The following ARID4A variants were observed in gnomAD, a reference collection of about 807,000 sequenced individuals.
The protein encoded by ARID4A is AT-rich interaction domain 4A.
Under a neutral mutation model 148.6 loss-of-function variants are expected in ARID4A, and 39 were observed. The observed-to-expected ratio is 0.26, with a 90% CI of 0.20 to 0.34. ARID4A has a LOEUF of 0.34. Among genes scored for constraint, ARID4A ranks in the 10% least tolerant of loss-of-function variants. The pLI, the probability that ARID4A is intolerant of heterozygous loss-of-function variation, is 1.00. For missense variants in ARID4A, 1,265 were observed against 1,449.1 expected (o/e 0.87, Z 2.06); for synonymous variants, 475 against 481.2 (o/e 0.99, Z 0.17).
In ARID4A at chr14:58,299,849, AC is replaced by A; in HGVS notation, c.-5del. 6.2e-7 allele frequency: 1 copy of A among 1,614,138 alleles called. No individual in the cohort carries two copies. On this transcript the variant is annotated 5_prime_UTR_variant, in exon 2 of 24. Coordinates refer to ENST00000355431, the MANE Select transcript of ARID4A (RefSeq NM_002892.4). The stretch of plus-strand genomic sequence containing the variant: ...TGAGCTGGAACCCCACAGATCACCA[AC>A]AAAAATGAAGGTAAGTGGAGTCAAC...
At chr14:58,323,371 T>G (rs1420767529) in intron 7 of ARID4A, 114 bp from the exon 8 acceptor site, 1 of 1,189,028 alleles carries the variant, frequency 8.4e-7, no homozygotes, top group Non-Finnish European at 1.2e-6. Context: ...ATGGAGAGGC[T>G]ACTACTTTAG....
At chr14:58,344,870 TTTTA>T (rs768972945) in intron 12 of ARID4A, 103 bp downstream of exon 12, 686 of 830,198 alleles carry the variant, frequency 8.3e-4, no homozygotes, top group Non-Finnish European at 1.0e-3. Flanking sequence ...CAGTTTTGGA[TTTTA>T]TTTATTTATT....
chr14:58,312,853 G>C (rs1471988189), intron 5 of ARID4A, among the ~76,000 whole-genome samples: 1 of 152,170 alleles, frequency 6.6e-6, no homozygotes, highest in Non-Finnish European at 1.5e-5. Context: ...GTGAGGATTA[G>C]GACATGGTAG....
intron 5 of ARID4A, among the ~76,000 whole-genome samples, chr14:58,312,964 A>AC (rs1293896210): frequency 6.6e-6 from 1 of 152,184 alleles, no homozygotes; most frequent in Non-Finnish European, 1.5e-5. Flanking sequence ...ATAACAGGGA[A>AC]ATGGGTCTTT....
chr14:58,322,963 C>CAAAAAAAAAAAAAAA (rs386381476), intron 7 of ARID4A, among the ~76,000 whole-genome samples: 1 of 42,246 alleles, frequency 2.4e-5, no homozygotes, highest in African/African-American at 1.1e-4. Context: ...ACTCCATTTC[C>CAAAAAAAAAAAAAAA]AAAAAAAAAA....
rs766384984 is a variant in ARID4A at position 58,351,241 on chromosome 14, C to T, written c.1573C>T (p.Pro525Ser). The T allele has an allele frequency of 9.9e-6, 16 of 1,611,544 alleles. No homozygotes were observed. In the South Asian group the frequency reaches 1.4e-4, roughly 14 times the overall value. The change falls in exon 16 of 24, where the codon CCA becomes TCA. Residue 525 changes from proline to serine, a missense_variant. By Grantham distance (74) the Pro-to-Ser change is moderately conservative (BLOSUM62 -1). Transcript: ENST00000355431. ...GCTACTACTGGGGAGAAAAAATACA[C>T]CAAAGCAAAAAGAGAAGAAAATTAA... is the stretch of plus-strand genomic sequence containing the variant. Reference protein sequence around the residue: ...NELLLGRKNTPKQKEKKIKKQ... With the variant: ...NELLLGRKNTSKQKEKKIKKQ...
intron 2 of ARID4A, 107 bp downstream of exon 2, chr14:58,299,967 A>C: frequency 6.7e-7 from 1 of 1,489,996 alleles, no homozygotes; most frequent in Non-Finnish European, 9.4e-7. Flanking sequence ...TGATGTTCCT[A>C]CTGATCAGCA....
Position 58,347,130 on chromosome 14 carries a change from G to T in ARID4A, c.1172+13G>T. On this transcript the variant is annotated intron_variant, in intron 14 of 23. Transcript: ENST00000355431. ...CTGCTTATAGAAAGTAAGTAGTATA[G>T]TTTATTCATCAAAGAATATATATTT... 1 of 1,331,820 alleles carries T rather than the reference G, an allele frequency of 7.5e-7. No individual in the cohort carries two copies. The highest frequency in any genetic ancestry group is 1.0e-6 in the Non-Finnish European group (1 of 962,350). 82.5% of individuals were successfully genotyped at this position (1,331,820 alleles called of 1,614,324 possible).
At chr14:58,312,895 T>C (rs542843186) in intron 5 of ARID4A, among the ~76,000 whole-genome samples, 38 of 152,364 alleles carry the variant, frequency 2.5e-4, no homozygotes, top group Non-Finnish European at 4.3e-4. Context: ...ATTATATTTA[T>C]AGACAGATAA....
At chr14:58,360,066 A>C (rs1306286138) in intron 18 of ARID4A, among the ~76,000 whole-genome samples, 2 of 65,870 alleles carry the variant, frequency 3.0e-5, no homozygotes, top group Non-Finnish European at 7.3e-5. Context: ...ACTCCGTCTC[A>C]AAAAAAAAAA....
intron 11 of ARID4A, among the ~76,000 whole-genome samples, chr14:58,341,051 CT>C (rs1214251719): frequency 2.0e-5 from 3 of 152,134 alleles, no homozygotes; most frequent in Non-Finnish European, 2.9e-5. Flanking sequence ...CTCCCCATCC[CT>C]CCATCAGTCT....
At chr14:58,354,464 C>G (rs1039021405) in intron 17 of ARID4A, among the ~76,000 whole-genome samples, 4 of 152,054 alleles carry the variant, frequency 2.6e-5, no homozygotes, top group Admixed American at 6.6e-5. Context: ...GGAAGGACTG[C>G]TTGAGGCCAG....
chr14:58,364,241 A>C lies in ARID4A; in HGVS notation c.2152A>C (p.Lys718Gln). The C allele has an allele frequency of 6.5e-7, 1 of 1,527,052 alleles. No homozygotes were observed. Among genetic ancestry groups the C allele is most frequent in the Non-Finnish European group, 8.7e-7 (1 of 1,143,746 alleles). 94.6% of individuals were successfully genotyped at this position (1,527,052 alleles called of 1,614,324 possible). ...KNLINEELSL[K>Q]DELEKNENLN... ...TTTAATAAATGAAGAACTTTCTCTT[A>C]AAGATGAACTAGAAAAAAATGAAAA... The change falls in exon 20 of 24, where the codon AAA becomes CAA. Residue 718 changes from lysine (K) to glutamine (Q), a missense_variant. Lys to Gln is a moderately conservative substitution (Grantham distance 53). Coordinates refer to ENST00000355431, the MANE Select transcript of ARID4A (RefSeq NM_002892.4).
rs1441773687 is a variant in ARID4A, at chr14:58,351,222, A to T, written c.1554A>T (p.Leu518=). The T allele has an allele frequency of 3.1e-6, 5 of 1,613,146 alleles. No homozygotes were observed. Among genetic ancestry groups the T allele is most frequent in the Admixed American group, 1.7e-5 (1 of 59,848 alleles). The change falls in exon 16 of 24, where the codon CTA becomes CTT. Residue 518 remains leucine, a synonymous_variant. Coordinates refer to ENST00000355431, the MANE Select transcript of ARID4A (RefSeq NM_002892.4). ...CAGAGAAAAAAGAAAATGAGCTACT[A>T]CTGGGGAGAAAAAATACACCAAAGC... ...ETAEKKENEL[L]LGRKNTPKQK... is the part of the protein sequence containing the mutation.
chr14:58,299,591 C>T, intron 1 of ARID4A: 1 of 564,634 alleles, frequency 1.8e-6, no homozygotes, highest in South Asian at 2.1e-5. Context: ...CTGGCGAGCT[C>T]CGGGGCGGAA....
intron 3 of ARID4A, chr14:58,303,760 G>T: frequency 4.0e-6 from 1 of 249,266 alleles, no homozygotes. Flanking sequence ...GAAACTCTGG[G>T]GGTAAGATCC....
rs1385034583 is a variant in ARID4A at position 58,373,848 on chromosome 14, C to G, written c.*1859C>G. 6.5e-6 allele frequency: 1 copy of G among 153,122 alleles called. No individual in the cohort carries two copies. The highest frequency in any genetic ancestry group is 1.5e-5 in the Non-Finnish European group (1 of 68,880). The allele number at this position is 153,122 out of a possible 1,614,324, so 9.5% of individuals were successfully genotyped here. On this transcript the variant is annotated 3_prime_UTR_variant, in exon 24 of 24. Coordinates refer to ENST00000355431, the MANE Select transcript of ARID4A (RefSeq NM_002892.4). ...AGCATTTTAGTATATTCAGCCTTTACAATAAAATATTTCTACTAATTATAA... is the reference window on the plus strand; with the variant it reads ...AGCATTTTAGTATATTCAGCCTTTAGAATAAAATATTTCTACTAATTATAA...
At chr14:58,349,804 A>T (rs1371352982) in intron 15 of ARID4A, among the ~76,000 whole-genome samples, 1 of 151,880 alleles carries the variant, frequency 6.6e-6, no homozygotes, top group East Asian at 1.9e-4. Context: ...TCATTTACCT[A>T]TAGATATTTT....
chr14:58,346,688 G>A (rs563625329), intron 13 of ARID4A, among the ~76,000 whole-genome samples, 183 bp downstream of exon 13: 16 of 151,940 alleles, frequency 1.1e-4, no homozygotes, highest in African/African-American at 3.9e-4. Flanking sequence ...AGCATTTTGG[G>A]AGATTGAGGC....
Sources: allele counts gnomAD v4.1 joint callset (sites outside exome capture counted in the v4.1 genomes callset), GRCh38; gene constraint gnomAD v4.1.1; transcripts MANE v1.5; gene names NCBI Gene and HGNC (gene_info 2026-07-23, HGNC 2026-07-21).